KAZN: variants seen among roughly 807,000 people sequenced by gnomAD.
KAZN encodes the protein kazrin.
Under a neutral mutation model 87.4 loss-of-function variants are expected in KAZN, and 40 were observed. The ratio of observed to expected loss-of-function variants is 0.46; its 90% CI spans 0.36 to 0.60. The LOEUF is 0.60. Ranked by LOEUF, KAZN falls within the 20% of genes least tolerant of loss-of-function variation. KAZN has a pLI of 0.00. For missense variants in KAZN, 898 were observed against 1,073.9 expected (o/e 0.84, Z 2.29); for synonymous variants, 466 against 458.3 (o/e 1.02, Z -0.22).
intron 2 of KAZN, among the ~76,000 whole-genome samples, chr1:14,480,898 G>C (rs1669045072): frequency 1.4e-5 from 2 of 146,842 alleles, no homozygotes; most frequent in Non-Finnish European, 3.0e-5. Context: ...CAACCTGAAA[G>C]AAAATATATA....
chr1:14,602,511 A>G (rs1030866483), intron 1 of KAZN, among the ~76,000 whole-genome samples: 4 of 152,328 alleles, frequency 2.6e-5, no homozygotes, highest in Admixed American at 2.6e-4. Context: ...CATTTGTTCC[A>G]ATTCATCTTG....
intron 1 of KAZN, among the ~76,000 whole-genome samples, chr1:14,168,599 C>T (rs1469261939): frequency 6.6e-6 from 1 of 152,166 alleles, no homozygotes; most frequent in Admixed American, 6.5e-5. Context: ...CTACCCATTA[C>T]AGGCTATAGG....
chr1:14,209,186 G>A (rs190859928), intron 2 of KAZN, among the ~76,000 whole-genome samples: 2 of 152,208 alleles, frequency 1.3e-5, no homozygotes, highest in East Asian at 3.9e-4. Context: ...ACCCATCACA[G>A]CAAAGGAAAA....
intron 1 of KAZN, among the ~76,000 whole-genome samples, chr1:14,912,383 T>C (rs1047063615): frequency 2.0e-5 from 3 of 152,052 alleles, no homozygotes; most frequent in African/African-American, 7.2e-5. Context: ...CTGGGTAAGG[T>C]AGCCAGAAGT....
At chr1:14,883,417 A>G (rs1448506800) in intron 1 of KAZN, among the ~76,000 whole-genome samples, 3 of 147,880 alleles carry the variant, frequency 2.0e-5, no homozygotes, top group Non-Finnish European at 3.0e-5. Context: ...GAAAGAAAGA[A>G]AGAAAGAAAA....
At chr1:14,514,615 A>ATTT (rs1553182614) in intron 2 of KAZN, among the ~76,000 whole-genome samples, 1,993 of 32,806 alleles carry the variant, frequency 0.061, 273 homozygotes, top group Non-Finnish European at 0.094. Flanking sequence ...ATATATATAT[A>ATTT]TATATATATA....
intron 2 of KAZN, among the ~76,000 whole-genome samples, chr1:14,565,268 T>C (rs1674487744): frequency 1.3e-5 from 2 of 152,212 alleles, no homozygotes; most frequent in African/African-American, 4.8e-5. Flanking sequence ...AATGTCATCA[T>C]AAAGTGAGTC....
intron 2 of KAZN, among the ~76,000 whole-genome samples, chr1:14,479,652 T>C (rs951199833): frequency 6.6e-6 from 1 of 152,186 alleles, no homozygotes; most frequent in African/African-American, 2.4e-5. Context: ...GCTGCCCATA[T>C]TTCTATCATC....
chr1:14,533,278 G>C (rs1672311751), intron 2 of KAZN, among the ~76,000 whole-genome samples: 1 of 152,188 alleles, frequency 6.6e-6, no homozygotes. Flanking sequence ...TAGACATAGA[G>C]TAGTGGGGGG....
In KAZN at chr1:14,551,257, T is replaced by G. The variant is rs537455563; in HGVS notation, c.250-47726T>G. On this transcript the variant is annotated intron_variant, in intron 2 of 16. Coordinates refer to the KAZN transcript ENST00000636203. ...ATTTCACCTGCGCTGCTAATTAGGG[T>G]GGGAGGCCACTGATCACAGGGAAAA... Among the ~76,000 whole-genome samples the G allele has an allele frequency of 3.9e-5, 6 of 152,228 alleles. No individual in the cohort carries two copies. The South Asian group carries it at 1.2e-3, about 32-fold the overall frequency.
At chr1:14,984,334 G>GCCACT (rs1294601671) in intron 2 of KAZN, among the ~76,000 whole-genome samples, 2 of 152,106 alleles carry the variant, frequency 1.3e-5, no homozygotes, top group Middle Eastern at 3.4e-3. Context: ...CTGAGATCAT[G>GCCACT]CCACTCCACT....
intron 2 of KAZN, among the ~76,000 whole-genome samples, chr1:14,273,639 T>G (rs1652123180): frequency 6.6e-6 from 1 of 152,224 alleles, no homozygotes; most frequent in African/African-American, 2.4e-5. Context: ...TAATATCCTG[T>G]GTTCCCCACC....
At position 14,118,915 on chromosome 1, in the gene KAZN, G is replaced by T. The variant is rs554408729; in HGVS notation, c.92-61520G>T. On this transcript the variant is annotated intron_variant, in intron 1 of 16. Coordinates refer to the KAZN transcript ENST00000636203. ...GGGTTTTAAAAGAATGCGACAGATT[G>T]GTTTCCTGGCTTCTCTCACTAGGTT... Among the ~76,000 whole-genome samples the T allele has an allele frequency of 2.6e-5, 4 of 152,252 alleles. No homozygotes were observed. In the East Asian group the frequency reaches 5.8e-4, roughly 22 times the overall value.
Position 14,437,793 on chromosome 1 carries a change from G to A in KAZN, c.250-161190G>A, listed in dbSNP as rs139441948. Among the ~76,000 whole-genome samples the A allele has an allele frequency of 1.5e-4, 23 of 152,176 alleles. No individual in the cohort carries two copies. The East Asian group carries it at 4.1e-3, about 27-fold the overall frequency. ...CAAAGACATGCACGGTACCTCCCCC[G>A]TGTATGTTTCTACCCTGGCTATTTA... is the stretch of plus-strand genomic sequence containing the variant. On this transcript the variant is annotated intron_variant, in intron 2 of 16. Transcript: ENST00000636203.
chr1:14,047,225 C>T (rs989332987), intron 1 of KAZN, among the ~76,000 whole-genome samples: 8 of 152,200 alleles, frequency 5.3e-5, no homozygotes, highest in African/African-American at 1.9e-4. Context: ...TGTCCACACC[C>T]CCTCTCGGTT....
chr1:15,050,623 A>G lies in KAZN; in HGVS notation c.727-5468A>G, dbSNP rs114355294. Among the ~76,000 whole-genome samples the G allele has an allele frequency of 4.3e-3, 649 of 152,184 alleles. 8 individuals carry two copies. The highest frequency in any genetic ancestry group is 0.034 in the Middle Eastern group (10 of 294). ...GCTGCAACGAAAGCAGTCTGCCCCA[A>G]ATGTGCCACCTTCAGGCCCCTGGCC... On this transcript the variant is annotated intron_variant, in intron 4 of 14. Transcript: ENST00000376030.
intron 1 of KAZN, among the ~76,000 whole-genome samples, chr1:14,629,117 G>A (rs575211184): frequency 2.0e-5 from 3 of 152,236 alleles, no homozygotes; most frequent in African/African-American, 7.2e-5. Flanking sequence ...AAAGTGCTTG[G>A]ATTACAGGTG....
chr1:14,068,470 TA>T (rs1450578764), intron 1 of KAZN, among the ~76,000 whole-genome samples: 2 of 152,028 alleles, frequency 1.3e-5, no homozygotes, highest in African/African-American at 2.4e-5. Flanking sequence ...CAAAAGAGTT[TA>T]AAAAAAGTCT....
At chr1:14,029,928 T>C (rs912079927) in intron 1 of KAZN, among the ~76,000 whole-genome samples, 52 of 151,808 alleles carry the variant, frequency 3.4e-4, no homozygotes, top group Admixed American at 2.6e-4. Flanking sequence ...AGCTTTGTTC[T>C]TTTGGCTTAG....
Sources: gnomAD v4.1 joint callset for allele counts (sites outside exome capture counted in the v4.1 genomes callset) on GRCh38, gnomAD v4.1.1 for gene constraint, MANE v1.5 for transcripts, NCBI Gene and HGNC (gene_info 2026-07-23, HGNC 2026-07-21) for gene names.